Variants in NRXN3 observed in about 807,000 individuals in gnomAD.
The protein encoded by NRXN3 is neurexin 3.
In NRXN3, 32 loss-of-function variants were observed where a neutral mutation model predicts 137.6. That is an observed-to-expected ratio of 0.23 (90% confidence interval 0.18 to 0.31). The LOEUF is 0.31. Among genes scored for constraint, NRXN3 ranks in the 10% least tolerant of loss-of-function variants. The pLI, the probability that NRXN3 is intolerant of heterozygous loss-of-function variation, is 1.00. For synonymous variants in NRXN3, 798 were observed against 784.5 expected (o/e 1.02, Z -0.29); for missense variants, 1,574 against 2,062.5 (o/e 0.76, Z 4.59).
At chr14:78,493,181 C>T (rs1372598496) in intron 4 of NRXN3, among the ~76,000 whole-genome samples, 1 of 152,068 alleles carries the variant, frequency 6.6e-6, no homozygotes, top group East Asian at 1.9e-4. Flanking sequence ...AACTCCTAGC[C>T]ACTTCAGGTT....
intron 15 of NRXN3, among the ~76,000 whole-genome samples, chr14:79,278,993 T>C (rs1224267342): frequency 6.6e-6 from 1 of 152,214 alleles, no homozygotes; most frequent in African/African-American, 2.4e-5. Flanking sequence ...ACTTCGGCCT[T>C]AGCCGCCGCC....
chr14:79,728,779 G>A (rs757330704), intron 19 of NRXN3, among the ~76,000 whole-genome samples: 7 of 152,152 alleles, frequency 4.6e-5, no homozygotes, highest in Admixed American at 2.0e-4. Flanking sequence ...AATTAATCTC[G>A]TACGGGGGAA....
chr14:79,725,038 T>C (rs963306792), intron 19 of NRXN3, among the ~76,000 whole-genome samples: 16 of 152,138 alleles, frequency 1.1e-4, no homozygotes, highest in African/African-American at 3.9e-4. Context: ...TGAAGCCTGA[T>C]TACCTGTACT....
intron 15 of NRXN3, among the ~76,000 whole-genome samples, chr14:79,247,907 C>A (rs1597789400): frequency 6.6e-6 from 1 of 151,184 alleles, no homozygotes; most frequent in African/African-American, 2.4e-5. Flanking sequence ...AAAAAAAAAA[C>A]ACTCTAAATT....
At chr14:78,569,366 C>T (rs1006798384) in intron 4 of NRXN3, among the ~76,000 whole-genome samples, 3 of 150,380 alleles carry the variant, frequency 2.0e-5, no homozygotes, top group Non-Finnish European at 3.0e-5. Context: ...CCCGGGTTCA[C>T]GCCATTCTCC....
In NRXN3 at chr14:78,975,826, T is replaced by C. The variant is rs532255788; in HGVS notation, c.3142+7480T>C. On this transcript the variant is annotated intron_variant, in intron 14 of 20. Coordinates refer to ENST00000335750, the MANE Select transcript of NRXN3 (RefSeq NM_001330195.2). ...CACTGTTATTCTGGTTAGTAGCACA[T>C]GTATTTTCACATTATGACAAAAGAT... is the stretch of plus-strand genomic sequence containing the variant. Among the ~76,000 whole-genome samples, 40 of 152,324 alleles carry C rather than the reference T, an allele frequency of 2.6e-4. 1 individual carries two copies. The highest frequency in any genetic ancestry group is 5.9e-4 in the Admixed American group (9 of 15,302).
intron 6 of NRXN3, among the ~76,000 whole-genome samples, chr14:78,690,476 A>T (rs1255866134): frequency 2.0e-5 from 3 of 152,174 alleles, no homozygotes; most frequent in African/African-American, 7.2e-5. Context: ...TTGTACACAT[A>T]TGTTTACATG....
chr14:78,502,368 T>C (rs1452572484), intron 4 of NRXN3, among the ~76,000 whole-genome samples: 3 of 152,198 alleles, frequency 2.0e-5, no homozygotes, highest in Non-Finnish European at 4.4e-5. Flanking sequence ...TTAATAATAG[T>C]TTATATAATT....
chr14:78,628,071 CT>C (rs58835983), intron 4 of NRXN3, among the ~76,000 whole-genome samples: 932 of 133,856 alleles, frequency 7.0e-3, no homozygotes, highest in Admixed American at 8.8e-3. Context: ...TTGCAGAGTT[CT>C]TTTTTTTTTT....
intron 4 of NRXN3, among the ~76,000 whole-genome samples, chr14:78,624,564 T>C (rs1403959756): frequency 6.6e-6 from 1 of 152,178 alleles, no homozygotes; most frequent in Non-Finnish European, 1.5e-5. Context: ...CCCTCTGCCA[T>C]CTTTTGTTGG....
At chr14:78,977,161 A>G (rs1282873223) in intron 14 of NRXN3, among the ~76,000 whole-genome samples, 3 of 152,186 alleles carry the variant, frequency 2.0e-5, no homozygotes, top group East Asian at 3.9e-4. Context: ...TTTAAAGCCC[A>G]TGACCTTTCG....
intron 10 of NRXN3, among the ~76,000 whole-genome samples, chr14:78,884,007 A>C (rs1272695677): frequency 6.6e-6 from 1 of 152,208 alleles, no homozygotes; most frequent in Non-Finnish European, 1.5e-5. Flanking sequence ...TAGTTCCATG[A>C]TTAAATCTTG....
Position 79,129,321 on chromosome 14 carries a change from A to G in NRXN3, c.3262+141180A>G, listed in dbSNP as rs1324738580. On this transcript the variant is annotated intron_variant, in intron 15 of 20. Transcript: ENST00000335750. ...CTTTCTCTTGTGGGCATTTAGTGCT[A>G]TAAATTTCCCTCTACACACTGCTTT... Among the ~76,000 whole-genome samples, 95 of 148,462 alleles carry G rather than the reference A, an allele frequency of 6.4e-4. 1 individual carries two copies. The highest frequency in any genetic ancestry group is 3.5e-3 in the Middle Eastern group (1 of 288).
chr14:78,309,374 G>A (rs2077714265), intron 4 of NRXN3, among the ~76,000 whole-genome samples: 1 of 151,686 alleles, frequency 6.6e-6, no homozygotes, highest in Non-Finnish European at 1.5e-5. Flanking sequence ...ATAGGGGTTT[G>A]GTATAAATTA....
At chr14:79,280,489 A>G in intron 15 of NRXN3, 5 of 1,613,828 alleles carry the variant, frequency 3.1e-6, no homozygotes, top group Non-Finnish European at 4.2e-6. Context: ...AGCATCACTC[A>G]GTGCCTATTT....
intron 1 of NRXN3, among the ~76,000 whole-genome samples, chr14:78,221,041 A>G: frequency 6.6e-6 from 1 of 152,106 alleles, no homozygotes; most frequent in East Asian, 1.9e-4. Flanking sequence ...GTTGGCATAG[A>G]TGGGGTTTTG....
At chr14:78,532,760 C>T (rs1444229036) in intron 4 of NRXN3, among the ~76,000 whole-genome samples, 1 of 151,806 alleles carries the variant, frequency 6.6e-6, no homozygotes, top group East Asian at 1.9e-4. Flanking sequence ...TCCTTCGTAT[C>T]CAAATCATCA....
intron 15 of NRXN3, among the ~76,000 whole-genome samples, chr14:79,218,238 G>A (rs891332170): frequency 2.3e-4 from 35 of 152,274 alleles, no homozygotes; most frequent in Middle Eastern, 3.4e-3. Flanking sequence ...TGATTGTGTG[G>A]TCAATCTGCT....
chr14:79,314,698 C>T lies in NRXN3; in HGVS notation c.3263-152523C>T, dbSNP rs940759391. Reference sequence around the variant, plus strand: ...GCTTTGAAGAGAGCAGTGGTTCTCCCAGCACGCAGCTGGAGATCTGAGGAC... The same window carrying T: ...GCTTTGAAGAGAGCAGTGGTTCTCCTAGCACGCAGCTGGAGATCTGAGGAC... On this transcript the variant is annotated intron_variant, in intron 15 of 20. Transcript: ENST00000335750. 5.6e-5 allele frequency among the ~76,000 whole-genome samples: 8 copies of T among 143,506 alleles called. No individual in the cohort carries two copies. In the East Asian group the frequency reaches 1.0e-3, roughly 19 times the overall value. The allele number at this position is 143,506 out of a possible 152,430, so 94.1% of individuals were successfully genotyped here.
Sources: gnomAD v4.1 joint callset for allele counts (sites outside exome capture counted in the v4.1 genomes callset) on GRCh38, gnomAD v4.1.1 for gene constraint, MANE v1.5 for transcripts, NCBI Gene and HGNC (gene_info 2026-07-23, HGNC 2026-07-21) for gene names.